CTNNA3: variants seen among roughly 807,000 people sequenced by gnomAD.
CTNNA3 encodes catenin alpha-3.
In CTNNA3, 76 loss-of-function variants were observed where a neutral mutation model predicts 95.7. That is an observed-to-expected ratio of 0.79 (90% CI 0.66 to 0.96). CTNNA3 has a LOEUF of 0.96. Among genes scored for constraint, CTNNA3 ranks in the 40% least tolerant of loss-of-function variants. The pLI is 0.00. For synonymous variants in CTNNA3, 431 were observed against 374.4 expected, an observed-to-expected ratio of 1.15 and a Z score of -1.74; for missense variants, 1,191 against 1,089.8, an observed-to-expected ratio of 1.09 and a Z score of -1.31.
At chr10:66,735,436 T>C (rs1849103277) in intron 9 of CTNNA3, among the ~76,000 whole-genome samples, 2 of 152,166 alleles carry the variant, frequency 1.3e-5, no homozygotes, top group Admixed American at 6.5e-5. Flanking sequence ...TTAGGTAGTG[T>C]ATATTTTCTC....
rs71466882 is a variant in CTNNA3 at position 66,479,950 on chromosome 10, TCACACA to T, written c.1531+40661_1531+40666del. ...AAGATAATTAAAAATACCAAAGCAT[TCACACA>T]CACACACACACACACACACACACCC... On this transcript the variant is annotated intron_variant, in intron 11 of 17. Transcript: ENST00000433211. 4.2e-4 allele frequency among the ~76,000 whole-genome samples: 61 copies of T among 145,456 alleles called. 2 individuals carry two copies. The highest frequency in any genetic ancestry group is 1.3e-3 in the African/African-American group (51 of 38,790).
chr10:67,519,676 C>G (rs1839924197), intron 5 of CTNNA3, among the ~76,000 whole-genome samples: 1 of 152,064 alleles, frequency 6.6e-6, no homozygotes, highest in African/African-American at 2.4e-5. Context: ...GAGGCCCTGT[C>G]CTTTTGGAGC....
chr10:67,408,836 T>A (rs961402104), intron 5 of CTNNA3, among the ~76,000 whole-genome samples: 5 of 136,392 alleles, frequency 3.7e-5, no homozygotes, highest in African/African-American at 1.4e-4. Context: ...AAACTATGTA[T>A]CTGACAAAGG....
intron 6 of CTNNA3, among the ~76,000 whole-genome samples, chr10:67,209,816 T>G (rs1864066906): frequency 6.6e-6 from 1 of 151,848 alleles, no homozygotes; most frequent in Non-Finnish European, 1.5e-5. Context: ...CACCTATTTT[T>G]TAAAATACAG....
intron 5 of CTNNA3, among the ~76,000 whole-genome samples, chr10:67,486,464 T>C (rs558217161): frequency 2.2e-4 from 34 of 152,322 alleles, no homozygotes; most frequent in African/African-American, 7.2e-4. Context: ...TTTTGCTTCA[T>C]TTCTTACCTG....
intron 7 of CTNNA3, among the ~76,000 whole-genome samples, chr10:66,869,643 G>A (rs1209538107): frequency 6.6e-6 from 1 of 152,006 alleles, no homozygotes; most frequent in African/African-American, 2.4e-5. Flanking sequence ...GTAAGTAGTA[G>A]AGGAGACAAA....
At chr10:66,644,372 T>G (rs1845627661) in intron 9 of CTNNA3, among the ~76,000 whole-genome samples, 1 of 147,962 alleles carries the variant, frequency 6.8e-6, no homozygotes. Flanking sequence ...TAGTATATTT[T>G]ACATGTGTAT....
intron 13 of CTNNA3, among the ~76,000 whole-genome samples, chr10:66,220,687 T>C (rs1027496167): frequency 1.3e-5 from 2 of 152,088 alleles, no homozygotes; most frequent in Non-Finnish European, 1.5e-5. Flanking sequence ...CTCAGCAGGA[T>C]GGGAAGCTGG....
At chr10:66,714,458 T>C (rs1385307105) in intron 9 of CTNNA3, among the ~76,000 whole-genome samples, 1 of 152,188 alleles carries the variant, frequency 6.6e-6, no homozygotes, top group Non-Finnish European at 1.5e-5. Flanking sequence ...AGTTAGGTAC[T>C]GTTTCTCAAA....
At chr10:66,489,593 C>T (rs1221371973) in intron 11 of CTNNA3, among the ~76,000 whole-genome samples, 1 of 152,150 alleles carries the variant, frequency 6.6e-6, no homozygotes, top group East Asian at 1.9e-4. Flanking sequence ...TGCATGCACA[C>T]ACACACGTGC....
intron 14 of CTNNA3, among the ~76,000 whole-genome samples, chr10:66,101,301 T>C (rs2133736728): frequency 6.6e-6 from 1 of 152,218 alleles, no homozygotes; most frequent in Non-Finnish European, 1.5e-5. Context: ...CTGTAAGAAA[T>C]GGAAACTCAA....
intron 11 of CTNNA3, among the ~76,000 whole-genome samples, chr10:66,391,351 T>G (rs1429281329): frequency 6.6e-6 from 1 of 152,168 alleles, no homozygotes; most frequent in African/African-American, 2.4e-5. Context: ...TTCATATTTC[T>G]CTCAATATGT....
At chr10:66,746,860 AGTGTGTGT>A (rs57102717) in intron 9 of CTNNA3, among the ~76,000 whole-genome samples, 32 of 150,360 alleles carry the variant, frequency 2.1e-4, no homozygotes, top group East Asian at 5.9e-4. Flanking sequence ...AAATGGATGC[AGTGTGTGT>A]GTGTGTGTGT....
At chr10:66,930,706 A>T (rs1847330286) in intron 7 of CTNNA3, among the ~76,000 whole-genome samples, 1 of 152,198 alleles carries the variant, frequency 6.6e-6, no homozygotes, top group Non-Finnish European at 1.5e-5. Flanking sequence ...CCTAAAATTC[A>T]AAGCTACTTG....
intron 11 of CTNNA3, among the ~76,000 whole-genome samples, chr10:66,421,352 G>A (rs1335780629): frequency 2.0e-5 from 3 of 152,110 alleles, no homozygotes; most frequent in Admixed American, 2.0e-4. Context: ...TGACAGCAAA[G>A]TAGAGTGACT....
intron 14 of CTNNA3, among the ~76,000 whole-genome samples, chr10:66,077,346 C>T (rs1026150746): frequency 1.3e-5 from 2 of 151,706 alleles, no homozygotes; most frequent in Non-Finnish European, 3.0e-5. Flanking sequence ...ACATTTTCTA[C>T]AATTTTTTGT....
At chr10:67,332,753 C>T (rs1435340165) in intron 5 of CTNNA3, among the ~76,000 whole-genome samples, 2 of 152,134 alleles carry the variant, frequency 1.3e-5, no homozygotes, top group African/African-American at 2.4e-5. Flanking sequence ...CGATTGTCCA[C>T]TCTCAATAAG....
intron 3 of CTNNA3, among the ~76,000 whole-genome samples, chr10:67,593,104 A>G (rs1275989252): frequency 6.6e-6 from 1 of 152,204 alleles, no homozygotes; most frequent in Non-Finnish European, 1.5e-5. Context: ...TTCACTCAGG[A>G]TAATGGCCTC....
At chr10:66,475,983 C>T (rs935498430) in intron 11 of CTNNA3, among the ~76,000 whole-genome samples, 2 of 152,078 alleles carry the variant, frequency 1.3e-5, no homozygotes, top group African/African-American at 4.8e-5. Context: ...CAATGATAGA[C>T]TGGATAAAGA....
Sources: gnomAD v4.1 joint callset for allele counts (sites outside exome capture counted in the v4.1 genomes callset) on GRCh38, gnomAD v4.1.1 for gene constraint, MANE v1.5 for transcripts, NCBI Gene and HGNC (gene_info 2026-07-23, HGNC 2026-07-21) for gene names.